Variants in TMEM87A observed in about 807,000 individuals in gnomAD.
TMEM87A encodes transmembrane protein 87A.
Under a neutral mutation model 90.0 loss-of-function variants are expected in TMEM87A, and 50 were observed. The observed-to-expected ratio is 0.56, with a 90% CI of 0.44 to 0.70. The LOEUF is 0.70. Ranked by LOEUF, TMEM87A falls within the 30% of genes least tolerant of loss-of-function variation. The probability of loss-of-function intolerance (pLI) is 0.00; values close to 1 mark genes in which losing one functional copy is unlikely to be tolerated. For missense variants in TMEM87A, 577 were observed against 660.5 expected, an observed-to-expected ratio of 0.87 and a Z score of 1.39; for synonymous variants, 226 against 226.7, an observed-to-expected ratio of 1.00 and a Z score of 0.03.
At chr15:42,256,126 G>A (rs181352809) in intron 6 of TMEM87A, among the ~76,000 whole-genome samples, 1 of 152,074 alleles carries the variant, frequency 6.6e-6, no homozygotes, top group Admixed American at 6.5e-5. Flanking sequence ...TAGGATGGAG[G>A]TACTGAATTT....
chr15:42,257,000 G>A (rs1269176037), intron 6 of TMEM87A, among the ~76,000 whole-genome samples: 1 of 152,178 alleles, frequency 6.6e-6, no homozygotes, highest in African/African-American at 2.4e-5. Context: ...TTACAGGTGT[G>A]AGCCACAGCG....
intron 6 of TMEM87A, among the ~76,000 whole-genome samples, chr15:42,245,503 G>A: frequency 6.6e-6 from 1 of 150,468 alleles, no homozygotes; most frequent in African/African-American, 2.4e-5. Context: ...ACTCTGTTAA[G>A]CATATGACAT....
chr15:42,266,361 C>G (rs141858875), intron 3 of TMEM87A, among the ~76,000 whole-genome samples: 1,636 of 151,954 alleles, frequency 0.011, 30 homozygotes, highest in African/African-American at 0.038. Context: ...ACTAAAAATA[C>G]AAAAATTAGC....
chr15:42,261,135 T>C (rs2051282118), intron 5 of TMEM87A, 61 bp downstream of exon 5: 2 of 1,573,360 alleles, frequency 1.3e-6, no homozygotes, highest in African/African-American at 1.4e-5. Flanking sequence ...TGAGCACGGG[T>C]ATCTCCTGCA....
At chr15:42,248,493 G>C (rs1220530295) in intron 6 of TMEM87A, among the ~76,000 whole-genome samples, 10 of 152,008 alleles carry the variant, frequency 6.6e-5, no homozygotes, top group Non-Finnish European at 1.5e-5. Context: ...TTAGCATGAA[G>C]GGCTGTTGAA....
rs533345578 is a variant in TMEM87A at position 42,218,697 on chromosome 15, A to G, written c.1540-319T>C. Among the ~76,000 whole-genome samples, 9 of 152,312 alleles carry G rather than the reference A, an allele frequency of 5.9e-5. No homozygotes were observed. In the South Asian group the frequency reaches 1.7e-3, roughly 28 times the overall value. ...CTGTGCCTGGCTTATTTTGCTTAACATAGTATCTTCCAGGCTTCTTCACGC... is the reference window on the plus strand; with the variant it reads ...CTGTGCCTGGCTTATTTTGCTTAACGTAGTATCTTCCAGGCTTCTTCACGC... On this transcript the variant is annotated intron_variant, in intron 17 of 19. Transcript: ENST00000389834.
Position 42,231,247 on chromosome 15 carries a change from A to G in TMEM87A, c.1076T>C (p.Leu359Pro). The change falls in exon 12 of 20, where the codon CTT becomes CCT. Residue 359 changes from leucine (L) to proline (P), a missense_variant. Coordinates refer to ENST00000389834, the MANE Select transcript of TMEM87A (RefSeq NM_015497.5). ...CAAGGGGATAAAGGCCAAGGAAGCAAGATCAGTCTGGGCCTGCAGACAAAG... is the reference window on the plus strand; with the variant it reads ...CAAGGGGATAAAGGCCAAGGAAGCAGGATCAGTCTGGGCCTGCAGACAAAG... ...VLRVTGAQTDLASLAFIPLAF... is the reference protein window; with the variant it reads ...VLRVTGAQTDPASLAFIPLAF... The G allele has an allele frequency of 6.3e-7, 1 of 1,590,416 alleles. No individual in the cohort carries two copies. The highest frequency in any genetic ancestry group is 8.5e-7 in the Non-Finnish European group (1 of 1,170,376).
chr15:42,273,178 CT>C (rs2051587603), intron 1 of TMEM87A, 76 bp downstream of exon 1: 4 of 1,577,486 alleles, frequency 2.5e-6, no homozygotes, highest in Non-Finnish European at 3.5e-6. Flanking sequence ...TTTGCGGAAC[CT>C]TCATGGACCC....
At chr15:42,250,363 G>A (rs1017254046) in intron 6 of TMEM87A, among the ~76,000 whole-genome samples, 1 of 152,142 alleles carries the variant, frequency 6.6e-6, no homozygotes, top group Non-Finnish European at 1.5e-5. Flanking sequence ...TCCTAGCATC[G>A]ATGGTCTTTA....
chr15:42,227,519 C>A (rs150782834), intron 14 of TMEM87A, 192 bp downstream of exon 14: 3 of 483,850 alleles, frequency 6.2e-6, no homozygotes, highest in Non-Finnish European at 7.3e-6. Flanking sequence ...AAAAAACAAA[C>A]AAAAAACTAC....
At chr15:42,231,345 T>G in intron 11 of TMEM87A, 85 bp from the exon 12 acceptor site, 1 of 1,125,652 alleles carries the variant, frequency 8.9e-7, no homozygotes, top group Non-Finnish European at 1.2e-6. Flanking sequence ...TGCATTTACA[T>G]AATCACTGGA....
chr15:42,253,270 T>C (rs2051118515), intron 6 of TMEM87A, among the ~76,000 whole-genome samples: 1 of 152,232 alleles, frequency 6.6e-6, no homozygotes, highest in East Asian at 1.9e-4. Flanking sequence ...ATGTCCAGTC[T>C]TGAGAATATA....
rs1490477433 is a variant in TMEM87A, at chr15:42,260,965, T to C, written c.497A>G (p.Asp166Gly). The C allele has an allele frequency of 1.9e-6, 3 of 1,608,348 alleles. No homozygotes were observed. The highest frequency in any genetic ancestry group is 1.1e-5 in the South Asian group (1 of 89,582). Residue 166 changes from aspartate (D) to glycine (G), a missense_variant, in exon 6 of 20, where the codon GAC becomes GGC. Transcript: ENST00000389834. ...ENGTNLTFIG[D>G]KTAMHEPLQT... is the part of the protein sequence containing the mutation. ...ATCCCCAAATATACTTACGGTTTTG[T>C]CTCCAATAAAGGTAAGGTTTGTTCC... is the stretch of plus-strand genomic sequence containing the variant.
intron 19 of TMEM87A, 89 bp downstream of exon 19, chr15:42,217,713 CA>C: frequency 7.5e-7 from 1 of 1,332,152 alleles, no homozygotes; most frequent in Non-Finnish European, 1.1e-6. Flanking sequence ...ACTACTGAGT[CA>C]AATAAAGAGA....
rs2050284718 is a variant in TMEM87A at position 42,211,460 on chromosome 15, T to G, written c.*248A>C. On this transcript the variant is annotated 3_prime_UTR_variant, in exon 20 of 20. Coordinates refer to ENST00000389834, the MANE Select transcript of TMEM87A (RefSeq NM_015497.5). ...AGTTGCATGAACATCCATGTCAGAG[T>G]CTGGGAGGAAAGGGGGCAGCAGTGT... 2.5e-6 allele frequency: 1 copy of G among 407,576 alleles called. No individual in the cohort carries two copies. The highest frequency in any genetic ancestry group is 2.0e-5 in the African/African-American group (1 of 49,146). 25.2% of individuals were successfully genotyped at this position (407,576 alleles called of 1,614,324 possible). A position where few individuals can be genotyped will look rare whatever the true frequency, so the allele number is the denominator to read the frequency against.
chr15:42,230,355 A>G (rs890271056), intron 12 of TMEM87A, among the ~76,000 whole-genome samples: 6 of 152,244 alleles, frequency 3.9e-5, no homozygotes, highest in African/African-American at 1.4e-4. Context: ...ACTCTTATAC[A>G]GCAACCCACT....
intron 8 of TMEM87A, 108 bp from the exon 9 acceptor site, chr15:42,237,723 T>G: frequency 1.1e-6 from 1 of 936,172 alleles, no homozygotes; most frequent in Non-Finnish European, 1.5e-6. Context: ...AGATGGGGAT[T>G]TGCTATGTTG....
intron 6 of TMEM87A, among the ~76,000 whole-genome samples, chr15:42,245,822 C>T (rs531658894): frequency 3.5e-4 from 53 of 152,240 alleles, no homozygotes; most frequent in Non-Finnish European, 6.3e-4. Flanking sequence ...TGAGCTACCA[C>T]GCCCCGGCCC....
At chr15:42,225,131 T>C (rs766888667) in intron 15 of TMEM87A, among the ~76,000 whole-genome samples, 3 of 152,232 alleles carry the variant, frequency 2.0e-5, no homozygotes, top group Non-Finnish European at 4.4e-5. Context: ...AAGTGCATAG[T>C]TTGAAATGAC....
Sources: gnomAD v4.1 joint callset for allele counts (sites outside exome capture counted in the v4.1 genomes callset) on GRCh38, gnomAD v4.1.1 for gene constraint, MANE v1.5 for transcripts, NCBI Gene and HGNC (gene_info 2026-07-23, HGNC 2026-07-21) for gene names.